ST8SIA2: variants seen among roughly 807,000 people sequenced by gnomAD.
ST8SIA2 encodes the protein alpha-2,8-sialyltransferase 8B.
A neutral mutation model predicts 37.6 loss-of-function variants in ST8SIA2; 22 were observed. The observed-to-expected ratio is 0.58, with a 90% confidence interval of 0.42 to 0.83. ST8SIA2 has a LOEUF of 0.83. Among genes scored for constraint, ST8SIA2 ranks in the 40% least tolerant of loss-of-function variants. The pLI, the probability that ST8SIA2 is intolerant of heterozygous loss-of-function variation, is 0.00. For synonymous variants in ST8SIA2, 205 were observed against 201.2 expected, an observed-to-expected ratio of 1.02 and a Z score of -0.16; for missense variants, 382 against 484.7, an observed-to-expected ratio of 0.79 and a Z score of 1.99.
Position 92,456,340 on chromosome 15 carries a change from GAATGAA to G in ST8SIA2, c.843-7759_843-7754del, listed in dbSNP as rs372117929. Among the ~76,000 whole-genome samples, 1,126 of 128,372 alleles carry G rather than the reference GAATGAA, an allele frequency of 8.8e-3. 12 individuals carry two copies. Among genetic ancestry groups the G allele is most frequent in the African/African-American group, 0.026 (1,032 of 39,346 alleles). 84.2% of individuals were successfully genotyped at this position (128,372 alleles called of 152,430 possible). A position where few individuals can be genotyped will look rare whatever the true frequency, so the allele number is the denominator to read the frequency against. ...TTTATCTCTCCTGATAATGTCCCCA[GAATGAA>G]CCTCTAGCCTCTGCTTGCTGCTTTT... On this transcript the variant is annotated intron_variant, in intron 5 of 5. Transcript: ENST00000268164.
intron 5 of ST8SIA2, among the ~76,000 whole-genome samples, chr15:92,445,894 G>A (rs1209488132): frequency 2.0e-5 from 3 of 152,170 alleles, no homozygotes; most frequent in African/African-American, 7.2e-5. Context: ...TCCCATTCAT[G>A]TGACCTGGCA....
chr15:92,434,935 C>A (rs2049745670), intron 3 of ST8SIA2, among the ~76,000 whole-genome samples: 1 of 152,196 alleles, frequency 6.6e-6, no homozygotes, highest in South Asian at 2.1e-4. Context: ...GAGAGCAGCT[C>A]TCGTCCTGAT....
chr15:92,406,387 G>A (rs1417390211), intron 1 of ST8SIA2, among the ~76,000 whole-genome samples: 2 of 152,190 alleles, frequency 1.3e-5, no homozygotes, highest in Non-Finnish European at 2.9e-5. Context: ...GAACCAGTGA[G>A]CTAGAGCCTT....
intron 5 of ST8SIA2, 97 bp from the exon 6 acceptor site, chr15:92,464,003 G>A (rs1220669298): frequency 2.0e-6 from 3 of 1,482,506 alleles, no homozygotes; most frequent in Non-Finnish European, 2.7e-6. Flanking sequence ...GTGGCAGAAG[G>A]CAGGCTGCTG....
intron 5 of ST8SIA2, among the ~76,000 whole-genome samples, chr15:92,463,038 ATG>A (rs1205162489): frequency 6.6e-6 from 1 of 152,242 alleles, no homozygotes; most frequent in Non-Finnish European, 1.5e-5. Context: ...CATTGCATAA[ATG>A]TGAAACATTA....
rs1421748220 is a variant in ST8SIA2, at chr15:92,464,361, C to A, written c.1104C>A (p.Val368=). The change falls in exon 6 of 6, where the codon GTC becomes GTA. Residue 368 remains valine (V), a synonymous_variant. Coordinates refer to ENST00000268164, the MANE Select transcript of ST8SIA2 (RefSeq NM_006011.4). ...LHEQGALKLT[V]GQCDGAT is the part of the protein sequence containing the mutation. ...AGCAGGGGGCTTTGAAACTGACTGTCGGCCAGTGCGATGGGGCCACGTAGG... is the reference window on the plus strand; with the variant it reads ...AGCAGGGGGCTTTGAAACTGACTGTAGGCCAGTGCGATGGGGCCACGTAGG... The A allele has an allele frequency of 6.2e-7, 1 of 1,613,848 alleles. No individual in the cohort carries two copies.
chr15:92,415,411 C>T (rs1007409980), intron 1 of ST8SIA2, among the ~76,000 whole-genome samples: 5 of 151,900 alleles, frequency 3.3e-5, no homozygotes, highest in Admixed American at 1.3e-4. Context: ...GAGAAAGTGA[C>T]ATGAGCTGAA....
chr15:92,442,933 C>A (rs115085167), intron 4 of ST8SIA2, among the ~76,000 whole-genome samples: 16 of 152,212 alleles, frequency 1.1e-4, no homozygotes, highest in African/African-American at 3.6e-4. Flanking sequence ...GATTCTCACA[C>A]ACTGGGCCTC....
At chr15:92,433,651 G>A (rs1225665009) in intron 2 of ST8SIA2, among the ~76,000 whole-genome samples, 2 of 152,180 alleles carry the variant, frequency 1.3e-5, no homozygotes, top group Admixed American at 1.3e-4. Context: ...TAGACCATTA[G>A]GGAATATAAA....
intron 2 of ST8SIA2, among the ~76,000 whole-genome samples, chr15:92,434,004 G>A (rs2049736241): frequency 6.6e-6 from 1 of 152,128 alleles, no homozygotes; most frequent in Non-Finnish European, 1.5e-5. Context: ...AGGGGCAGGG[G>A]AAGAAGAATA....
chr15:92,429,997 C>A (rs970554465), intron 1 of ST8SIA2, 52 bp from the exon 2 acceptor site: 11 of 1,599,052 alleles, frequency 6.9e-6, no homozygotes, highest in Admixed American at 3.3e-5. Flanking sequence ...TTGAAGAGGG[C>A]TTTGCAAAGA....
At chr15:92,419,555 A>C (rs370956638) in intron 1 of ST8SIA2, among the ~76,000 whole-genome samples, 7 of 152,274 alleles carry the variant, frequency 4.6e-5, no homozygotes, top group African/African-American at 1.7e-4. Context: ...CCGAACGCAT[A>C]GAGATAATGG....
chr15:92,413,446 A>G (rs1171555109), intron 1 of ST8SIA2, among the ~76,000 whole-genome samples: 3 of 152,172 alleles, frequency 2.0e-5, no homozygotes, highest in Non-Finnish European at 4.4e-5. Flanking sequence ...CTGTGTTCTC[A>G]TTTGCCACCT....
intron 4 of ST8SIA2, 105 bp from the exon 5 acceptor site, chr15:92,444,531 T>C (rs371137606): frequency 1.4e-6 from 2 of 1,422,014 alleles, no homozygotes; most frequent in South Asian, 1.2e-5. Flanking sequence ...GGTCTTTGTT[T>C]GGGGATGAGA....
chr15:92,464,469 T>A lies in ST8SIA2; in HGVS notation c.*84T>A. ...ATGGGAGTCGGGGTGGCACAAACAA[T>A]AGAACAAGCAGGCTAGTGGTTTTCT... On this transcript the variant is annotated 3_prime_UTR_variant, in exon 6 of 6. Transcript: ENST00000268164. 1 of 1,485,360 alleles carries A rather than the reference T, an allele frequency of 6.7e-7. No homozygotes were observed. Among genetic ancestry groups the A allele is most frequent in the Non-Finnish European group, 9.4e-7 (1 of 1,065,050 alleles). The allele number at this position is 1,485,360 out of a possible 1,614,324, so 92.0% of individuals were successfully genotyped here.
intron 5 of ST8SIA2, chr15:92,445,213 G>C (rs1304381012): frequency 3.8e-6 from 2 of 527,550 alleles, no homozygotes; most frequent in Non-Finnish European, 6.9e-6. Context: ...GGCTCAATGG[G>C]AACAGACGCC....
At chr15:92,408,683 T>TTATA (rs2049526781) in intron 1 of ST8SIA2, among the ~76,000 whole-genome samples, 1 of 112,146 alleles carries the variant, frequency 8.9e-6, no homozygotes, top group South Asian at 3.4e-4. Context: ...TTTTTTTTAT[T>TTATA]TATTTATTTA....
At chr15:92,433,579 C>G (rs918848808) in intron 2 of ST8SIA2, among the ~76,000 whole-genome samples, 5 of 152,200 alleles carry the variant, frequency 3.3e-5, no homozygotes, top group African/African-American at 1.2e-4. Flanking sequence ...TCACTCCAGG[C>G]TCCCCCGGGA....
At chr15:92,429,543 C>T (rs566331946) in intron 1 of ST8SIA2, among the ~76,000 whole-genome samples, 20 of 152,316 alleles carry the variant, frequency 1.3e-4, no homozygotes, top group Middle Eastern at 3.4e-3. Flanking sequence ...AAATTATGAT[C>T]ACATTTGAAT....
Sources: allele counts gnomAD v4.1 joint callset (sites outside exome capture counted in the v4.1 genomes callset), GRCh38; gene constraint gnomAD v4.1.1; transcripts MANE v1.5; gene names NCBI Gene and HGNC (gene_info 2026-07-23, HGNC 2026-07-21).